Variants in WDR27 observed in about 807,000 individuals in gnomAD.
WDR27 encodes WD repeat domain 27.
WDR27 carries 100 observed loss-of-function variants against 114.4 expected under a neutral mutation model. The ratio of observed to expected loss-of-function variants is 0.87; its 90% CI spans 0.74 to 1.03. The LOEUF is 1.03. WDR27 is among the 50% of genes least tolerant of loss of function. The probability of loss-of-function intolerance (pLI) is 0.00; values close to 1 mark genes in which losing one functional copy is unlikely to be tolerated. For missense variants in WDR27, 1,129 were observed against 1,092.9 expected, an observed-to-expected ratio of 1.03 and a Z score of -0.47; for synonymous variants, 449 against 423.1, an observed-to-expected ratio of 1.06 and a Z score of -0.75.
intron 23 of WDR27, among the ~76,000 whole-genome samples, chr6:169,592,934 A>G (rs1439221863): frequency 3.3e-5 from 5 of 152,168 alleles, no homozygotes; most frequent in African/African-American, 4.8e-5. Flanking sequence ...CTCTTTTTGT[A>G]TCAGTTAATA....
chr6:169,541,838 A>T (rs1243813069), intron 25 of WDR27, among the ~76,000 whole-genome samples: 1 of 152,192 alleles, frequency 6.6e-6, no homozygotes. Flanking sequence ...ATGATGATAA[A>T]TCTTAACATG....
intron 25 of WDR27, among the ~76,000 whole-genome samples, chr6:169,513,271 G>A (rs1793147908): frequency 6.6e-6 from 1 of 152,128 alleles, no homozygotes; most frequent in Non-Finnish European, 1.5e-5. Context: ...GAATGTTCTG[G>A]CAAACAAAGT....
At chr6:169,443,717 C>T in the WDR27 span, among the ~76,000 whole-genome samples, 53 of 152,326 alleles carry the variant, frequency 3.5e-4, 1 homozygote, top group East Asian at 9.5e-3. Context: ...CTGATGTCAT[C>T]GCTCAGCCAC....
At chr6:169,440,269 G>A in the WDR27 span, among the ~76,000 whole-genome samples, 2 of 152,042 alleles carry the variant, frequency 1.3e-5, no homozygotes, top group African/African-American at 4.8e-5. Flanking sequence ...CCTGTAGGCT[G>A]GACAGGATAC....
chr6:169,583,514 CACACACACACACACACACACACA>C (rs1562630843), intron 23 of WDR27, among the ~76,000 whole-genome samples: 3 of 19,980 alleles, frequency 1.5e-4, no homozygotes, highest in African/African-American at 2.8e-4. Flanking sequence ...TGTATATATA[CACACACACACACACACACACACA>C]CACATAAAAT....
At chr6:169,472,851 A>G (rs1218868853) in intron 25 of WDR27, among the ~76,000 whole-genome samples, 2 of 152,230 alleles carry the variant, frequency 1.3e-5, no homozygotes, top group Non-Finnish European at 2.9e-5. Context: ...CCTCATAGAC[A>G]TGTCAAATTT....
At chr6:169,449,500 C>T in the WDR27 span, among the ~76,000 whole-genome samples, 1 of 152,212 alleles carries the variant, frequency 6.6e-6, no homozygotes, top group East Asian at 1.9e-4. Context: ...CGACCCTAGG[C>T]AAGCAGAGGG....
intron 25 of WDR27, among the ~76,000 whole-genome samples, chr6:169,464,657 G>A (rs2115292379): frequency 1.3e-5 from 2 of 152,278 alleles, no homozygotes; most frequent in South Asian, 4.1e-4. Context: ...TCTGGTAACA[G>A]CCTACTCTCC....
Position 169,688,953 on chromosome 6 carries a change from A to AT in WDR27, c.52dup (p.Ile18AsnfsTer9). The AT allele has an allele frequency of 6.2e-7, 1 of 1,613,778 alleles. No homozygotes were observed. Among genetic ancestry groups the AT allele is most frequent in the Non-Finnish European group, 8.5e-7 (1 of 1,179,794 alleles). On this transcript the variant is annotated frameshift_variant, in exon 2 of 26. Transcript: ENST00000448612. LOFTEE classifies it high-confidence loss of function. ...TTCAACCAGGTATTTTTCTATAACT[A>AT]TATCACTTAGACAGCCACCATTACT... is the stretch of plus-strand genomic sequence containing the variant.
chr6:169,543,145 T>C (rs1797034241), intron 25 of WDR27, among the ~76,000 whole-genome samples: 1 of 152,106 alleles, frequency 6.6e-6, no homozygotes, highest in African/African-American at 2.4e-5. Flanking sequence ...GGGTAAAATA[T>C]ATAGTATTTT....
At chr6:169,495,056 A>C (rs1790223942) in intron 25 of WDR27, among the ~76,000 whole-genome samples, 1 of 152,248 alleles carries the variant, frequency 6.6e-6, no homozygotes, top group Non-Finnish European at 1.5e-5. Context: ...TGTAAATTAT[A>C]AGTTCATGAA....
Position 169,670,657 on chromosome 6 carries a change from A to G in WDR27, c.368T>C (p.Leu123Ser). The change falls in exon 4 of 26, where the codon TTG (leucine) becomes TCG (serine). Residue 123 changes from leucine to serine, a missense_variant. Coordinates refer to ENST00000448612, the MANE Select transcript of WDR27 (RefSeq NM_182552.5). ...CAACTGTAAACACAGCACCTTTCCC[A>G]AAAGCGAGCCCATGACAGTCCCTCG... ...VPRGTVMGSL[L>S]GKVLCLQLSL... The G allele has an allele frequency of 6.2e-7, 1 of 1,613,972 alleles. No homozygotes were observed. Among genetic ancestry groups the G allele is most frequent in the African/African-American group, 1.3e-5 (1 of 75,032 alleles).
At chr6:169,593,994 T>A (rs1806287992) in intron 23 of WDR27, among the ~76,000 whole-genome samples, 1 of 152,276 alleles carries the variant, frequency 6.6e-6, no homozygotes, top group Admixed American at 6.5e-5. Flanking sequence ...TTTACTTTGT[T>A]GTTCCCTGTC....
At chr6:169,697,080 A>T (rs1018827146) in intron 1 of WDR27, among the ~76,000 whole-genome samples, 13 of 152,366 alleles carry the variant, frequency 8.5e-5, no homozygotes, top group African/African-American at 2.6e-4. Context: ...ATATAAAATC[A>T]GAACGGTTAT....
chr6:169,570,784 G>T (rs1209010116), intron 25 of WDR27, among the ~76,000 whole-genome samples: 1 of 152,158 alleles, frequency 6.6e-6, no homozygotes, highest in Non-Finnish European at 1.5e-5. Context: ...AGCTGCGATT[G>T]TGCCATTGCA....
chr6:169,648,701 T>C (rs1821448997), intron 15 of WDR27, among the ~76,000 whole-genome samples: 1 of 152,222 alleles, frequency 6.6e-6, no homozygotes, highest in Admixed American at 6.5e-5. Context: ...AATCTAGGAC[T>C]GGGAGGGACC....
chr6:169,688,423 A>G (rs1406118377), intron 2 of WDR27, among the ~76,000 whole-genome samples: 1 of 152,170 alleles, frequency 6.6e-6, no homozygotes, highest in Non-Finnish European at 1.5e-5. Flanking sequence ...ACCTGAACAT[A>G]TTCATTTAGT....
chr6:169,499,430 T>A (rs1199952575), intron 25 of WDR27, among the ~76,000 whole-genome samples: 1 of 152,202 alleles, frequency 6.6e-6, no homozygotes, highest in African/African-American at 2.4e-5. Flanking sequence ...GTTCCAGGTG[T>A]TCATCTGACT....
chr6:169,659,542 A>G lies in WDR27; in HGVS notation c.1130-24T>C, dbSNP rs1360158442. 1 of 1,598,402 alleles carries G rather than the reference A, an allele frequency of 6.3e-7. No homozygotes were observed. Among genetic ancestry groups the G allele is most frequent in the South Asian group, 1.1e-5 (1 of 88,366 alleles). ...ATCTTCAGTTGAGCGAAGACCAGGAAGAACATGATGGGGAGGGAGGTAGCA... is the reference window on the plus strand; with the variant it reads ...ATCTTCAGTTGAGCGAAGACCAGGAGGAACATGATGGGGAGGGAGGTAGCA... On this transcript the variant is annotated intron_variant, in intron 10 of 25. Transcript: ENST00000448612. This position sits in a 1 kb window ranked among gnomAD's most constrained non-coding sequence, Gnocchi z 4.3.
Sources: gnomAD v4.1 joint callset for allele counts (sites outside exome capture counted in the v4.1 genomes callset) on GRCh38, gnomAD v4.1.1 for gene constraint, Gnocchi (gnomAD v3.1) non-coding constraint, MANE v1.5 for transcripts, NCBI Gene and HGNC (gene_info 2026-07-23, HGNC 2026-07-21) for gene names.